Variants in PCDHA13 observed in about 807,000 individuals in gnomAD.
PCDHA13 encodes protocadherin alpha-13.
In PCDHA13, 54 loss-of-function variants were observed where a neutral mutation model predicts 64.8. That is an observed-to-expected ratio of 0.83 (90% confidence interval 0.67 to 1.04). PCDHA13 has a LOEUF of 1.04. Among genes scored for constraint, PCDHA13 ranks in the 50% least tolerant of loss-of-function variants. The pLI, the probability that PCDHA13 is intolerant of heterozygous loss-of-function variation, is 0.00. For synonymous variants in PCDHA13, 587 were observed against 564.4 expected (o/e 1.04, Z -0.57); for missense variants, 1,248 against 1,254.3 (o/e 0.99, Z 0.08).
intron 1 of PCDHA13, among the ~76,000 whole-genome samples, chr5:140,907,596 G>A (rs1554193068): frequency 2.0e-5 from 3 of 152,214 alleles, no homozygotes; most frequent in African/African-American, 7.2e-5. Flanking sequence ...ATCACCCTGA[G>A]GAATGGTGCC....
Position 140,979,220 on chromosome 5 carries a change from C to T in PCDHA13, c.2453+213C>T, listed in dbSNP as rs552719327. ...TATCAAGTGCTGGCATATAAGAGTC[C>T]TCTGTAAAATCACAGAAACAGGCTG... On this transcript the variant is annotated intron_variant, in intron 2 of 3. Transcript: ENST00000289272. Among the ~76,000 whole-genome samples, 27 of 152,304 alleles carry T rather than the reference C, an allele frequency of 1.8e-4. 1 individual carries two copies. The highest frequency in any genetic ancestry group is 6.3e-4 in the African/African-American group (26 of 41,574).
intron 1 of PCDHA13, among the ~76,000 whole-genome samples, chr5:140,924,565 T>A (rs1213361312): frequency 2.0e-5 from 3 of 152,102 alleles, no homozygotes; most frequent in Admixed American, 2.0e-4. Flanking sequence ...TAATCAGCAA[T>A]TTTTAAATGT....
chr5:141,004,148 C>T (rs971282591), intron 3 of PCDHA13, among the ~76,000 whole-genome samples: 1 of 152,222 alleles, frequency 6.6e-6, no homozygotes, highest in African/African-American at 2.4e-5. Context: ...AAAGGCATGA[C>T]ATTTTATAGG....
In PCDHA13 at chr5:140,883,619, A is replaced by T. The variant is rs1554178937; in HGVS notation, c.1351A>T (p.Asn451Tyr). ...GGTGGGGGTGGCCGACGTGAACGACAACGCGCCGGCGTTCGCGCAGCCCGA... is the reference window on the plus strand; with the variant it reads ...GGTGGGGGTGGCCGACGTGAACGACTACGCGCCGGCGTTCGCGCAGCCCGA... Reference protein sequence around the residue: ...VSVGVADVNDNAPAFAQPEYT... With the variant: ...VSVGVADVNDYAPAFAQPEYT... Residue 451 changes from asparagine (N) to tyrosine (Y), a missense_variant, in exon 1 of 4, where the codon AAC becomes TAC. Coordinates refer to ENST00000289272, the MANE Select transcript of PCDHA13 (RefSeq NM_018904.3). 1.2e-6 allele frequency: 2 copies of T among 1,613,984 alleles called. No individual in the cohort carries two copies. Among genetic ancestry groups the T allele is most frequent in the Admixed American group, 3.3e-5 (2 of 60,012 alleles).
intron 1 of PCDHA13, among the ~76,000 whole-genome samples, chr5:140,905,599 G>A (rs782355615): frequency 2.0e-5 from 3 of 152,096 alleles, no homozygotes; most frequent in Non-Finnish European, 2.9e-5. Context: ...GCTGGGAATT[G>A]CATTGAATCT....
intron 1 of PCDHA13, among the ~76,000 whole-genome samples, chr5:140,935,416 A>G (rs35902736): frequency 0.059 from 8,919 of 152,326 alleles, 374 homozygotes; most frequent in Non-Finnish European, 0.083. Context: ...ATGGACTTAG[A>G]AAACAATTTC....
chr5:140,895,786 A>G (rs2065159984), intron 1 of PCDHA13, among the ~76,000 whole-genome samples: 2 of 152,080 alleles, frequency 1.3e-5, no homozygotes, highest in Non-Finnish European at 2.9e-5. Context: ...GTATTCAATG[A>G]CGTATATGTA....
At chr5:140,980,347 C>G (rs1329268780) in intron 2 of PCDHA13, among the ~76,000 whole-genome samples, 2 of 152,132 alleles carry the variant, frequency 1.3e-5, no homozygotes, top group African/African-American at 4.8e-5. Context: ...ACATAACTTC[C>G]TGGACTGGGC....
At position 140,978,795 on chromosome 5, in the gene PCDHA13, G is replaced by A. The variant is rs1437973642; in HGVS notation, c.2395-154G>A. 3 of 979,120 alleles carry A rather than the reference G, an allele frequency of 3.1e-6. No individual in the cohort carries two copies. The African/African-American group carries it at 5.3e-5, about 17-fold the overall frequency. The allele number at this position is 979,120 out of a possible 1,614,324, so 60.7% of individuals were successfully genotyped here. On this transcript the variant is annotated intron_variant, in intron 1 of 3. Coordinates refer to ENST00000289272, the MANE Select transcript of PCDHA13 (RefSeq NM_018904.3). ...AATTTTCTTCTAAAGTGCTATATAT[G>A]TAGATATCATCATAGAGTTACACAT...
chr5:141,009,606 T>C (rs2098413036), intron 3 of PCDHA13, 21 bp from the exon 4 acceptor site: 1 of 1,609,858 alleles, frequency 6.2e-7, no homozygotes, highest in Non-Finnish European at 8.5e-7. Flanking sequence ...TGTTAATGAT[T>C]TGTAATGTTT....
rs781845787 is a variant in PCDHA13, at chr5:140,884,003, G to C, written c.1735G>C (p.Glu579Gln). 7.4e-6 allele frequency: 12 copies of C among 1,613,086 alleles called. No homozygotes were observed. In the South Asian group the frequency reaches 1.3e-4, roughly 18 times the overall value. ...TGGCAGCGCGGGAGGCACAGTGAGC[G>C]AGCTGATGCCGCGGTCGGTGGGTGC... ...GAGSAGGTVSELMPRSVGAGH... is the reference protein window; with the variant it reads ...GAGSAGGTVSQLMPRSVGAGH... Residue 579 changes from glutamate to glutamine, a missense_variant, in exon 1 of 4, where the codon GAG (glutamate) becomes CAG (glutamine). Glu to Gln is a conservative substitution (Grantham distance 29). Transcript: ENST00000289272.
intron 1 of PCDHA13, among the ~76,000 whole-genome samples, chr5:140,941,192 TTTCTTTCTTCC>T (rs1330855559): frequency 1.0e-5 from 1 of 99,660 alleles, no homozygotes; most frequent in Non-Finnish European, 2.1e-5. Flanking sequence ...CTTCTTTTTT[TTTCTTTCTTCC>T]TTTCTTTCTT....
Position 140,968,209 on chromosome 5 carries a change from C to A in PCDHA13, c.2395-10740C>A, listed in dbSNP as rs781795931. The A allele has an allele frequency of 2.5e-6, 4 of 1,613,884 alleles. No homozygotes were observed. In the African/African-American group the frequency reaches 4.0e-5, roughly 16 times the overall value. Reference sequence around the variant, plus strand: ...CCTATTCCATCTACATACAGGAGAACAATTTGCCAGGTGTGTTGCTCTGTA... The same window carrying A: ...CCTATTCCATCTACATACAGGAGAAAAATTTGCCAGGTGTGTTGCTCTGTA... On this transcript the variant is annotated intron_variant, in intron 1 of 3. Coordinates refer to ENST00000289272, the MANE Select transcript of PCDHA13 (RefSeq NM_018904.3).
chr5:140,968,741 A>T, intron 1 of PCDHA13: 1 of 1,614,106 alleles, frequency 6.2e-7, no homozygotes, highest in Non-Finnish European at 8.5e-7. Context: ...TTTCAACCTG[A>T]CCGTGGTGGT....
At chr5:140,919,306 A>T (rs1407810868) in intron 1 of PCDHA13, among the ~76,000 whole-genome samples, 1 of 152,150 alleles carries the variant, frequency 6.6e-6, no homozygotes, top group Non-Finnish European at 1.5e-5. Context: ...TGTACAATAT[A>T]TGTTTTCCCA....
intron 1 of PCDHA13, among the ~76,000 whole-genome samples, chr5:140,945,159 A>G (rs1341706509): frequency 2.0e-5 from 3 of 152,178 alleles, no homozygotes; most frequent in Non-Finnish European, 4.4e-5. Flanking sequence ...TACACTATTG[A>G]ACTATCTGAA....
chr5:140,920,029 T>G (rs1584162393), intron 1 of PCDHA13, among the ~76,000 whole-genome samples: 1 of 152,118 alleles, frequency 6.6e-6, no homozygotes, highest in African/African-American at 2.4e-5. Flanking sequence ...GAGACAGAGA[T>G]TGGAGTGATG....
rs35695909 is a variant in PCDHA13, at chr5:140,914,944, C to CTT, written c.2394+30299_2394+30300dup. Among the ~76,000 whole-genome samples the CTT allele has an allele frequency of 2.2e-4, 28 of 128,250 alleles. 1 individual carries two copies. Among genetic ancestry groups the CTT allele is most frequent in the African/African-American group, 3.1e-4 (11 of 35,118 alleles). 84.1% of individuals were successfully genotyped at this position (128,250 alleles called of 152,430 possible). Reference sequence around the variant, plus strand: ...ATTGTACTATGTTGTGAAAAGTTGTCTTTTTTTTTTTTTTTTTTCTGAGTC... The same window carrying CTT: ...ATTGTACTATGTTGTGAAAAGTTGTCTTTTTTTTTTTTTTTTTTTTCTGAGTC... On this transcript the variant is annotated intron_variant, in intron 1 of 3. Transcript: ENST00000289272.
chr5:140,949,880 A>G (rs1448161802), intron 1 of PCDHA13, among the ~76,000 whole-genome samples: 1 of 151,692 alleles, frequency 6.6e-6, no homozygotes, highest in African/African-American at 2.4e-5. Flanking sequence ...TTATTTGGGT[A>G]TTCCTCAGAA....
Sources: allele counts gnomAD v4.1 joint callset (sites outside exome capture counted in the v4.1 genomes callset), GRCh38; gene constraint gnomAD v4.1.1; transcripts MANE v1.5; gene names NCBI Gene and HGNC (gene_info 2026-07-23, HGNC 2026-07-21).